LRRTM3: variants seen among roughly 807,000 people sequenced by gnomAD.
The protein encoded by LRRTM3 is leucine-rich repeat transmembrane neuronal protein 3.
In LRRTM3, 24 loss-of-function variants were observed where a neutral mutation model predicts 44.7. That is an observed-to-expected ratio of 0.54 (90% confidence interval 0.39 to 0.76). The LOEUF is 0.76. LRRTM3 is among the 30% of genes least tolerant of loss of function. The pLI is 0.00. For missense variants in LRRTM3, 587 were observed against 702.2 expected (o/e 0.84, Z 1.85); for synonymous variants, 277 against 278.7 (o/e 0.99, Z 0.06).
chr10:66,981,917 G>T (rs1194973673), intron 2 of LRRTM3, among the ~76,000 whole-genome samples: 1 of 152,152 alleles, frequency 6.6e-6, no homozygotes, highest in African/African-American at 2.4e-5. Context: ...AAGAGAAAAT[G>T]AAATCCACAG....
In LRRTM3 at chr10:66,926,433, C is replaced by A; in HGVS notation, c.-151C>A. On this transcript the variant is annotated 5_prime_UTR_variant, in exon 1 of 3. Coordinates refer to ENST00000361320, the MANE Select transcript of LRRTM3 (RefSeq NM_178011.5). ...GCGTGGCTGGCAAAGAATAATGTTC[C>A]AAAATCGGTCCATCTCCCAAGGGGT... The A allele has an allele frequency of 1.3e-6, 1 of 767,136 alleles. No homozygotes were observed. The highest frequency in any genetic ancestry group is 2.3e-6 in the Non-Finnish European group (1 of 444,018). The allele number at this position is 767,136 out of a possible 1,614,324, so 47.5% of individuals were successfully genotyped here.
chr10:67,061,923 A>G (rs909093711), intron 2 of LRRTM3, among the ~76,000 whole-genome samples: 2 of 148,350 alleles, frequency 1.3e-5, no homozygotes, highest in Non-Finnish European at 3.0e-5. Flanking sequence ...AAAGTATTAG[A>G]AAATTTATAA....
At chr10:66,989,984 A>C (rs1172857584) in intron 2 of LRRTM3, among the ~76,000 whole-genome samples, 1 of 152,180 alleles carries the variant, frequency 6.6e-6, no homozygotes, top group Non-Finnish European at 1.5e-5. Flanking sequence ...TAGTTTATAC[A>C]CACATTTTCA....
At chr10:66,968,809 G>A (rs1227859569) in intron 2 of LRRTM3, among the ~76,000 whole-genome samples, 1 of 152,068 alleles carries the variant, frequency 6.6e-6, no homozygotes, top group Non-Finnish European at 1.5e-5. Flanking sequence ...TTGAGGTCAG[G>A]AGTTTAAGAC....
At chr10:67,036,153 TTTATTTTATC>T (rs1217204415) in intron 2 of LRRTM3, among the ~76,000 whole-genome samples, 2 of 152,104 alleles carry the variant, frequency 1.3e-5, no homozygotes, top group African/African-American at 4.8e-5. Context: ...TTTATTTTAT[TTTATTTTATC>T]TTATTTTGAG....
intron 2 of LRRTM3, among the ~76,000 whole-genome samples, chr10:67,076,519 CTTATAAAGTAAGTCAGA>C (rs1856760807): frequency 6.6e-6 from 1 of 152,176 alleles, no homozygotes. Flanking sequence ...AGCCCTTCTT[CTTATAAAGTAAGTCAGA>C]TTCATTTGAG....
intron 2 of LRRTM3, among the ~76,000 whole-genome samples, chr10:66,996,670 A>AAAAAAAAAAAAAAAAC (rs1217903200): frequency 6.6e-6 from 1 of 150,594 alleles, no homozygotes; most frequent in East Asian, 2.0e-4. Context: ...AAAAAAAAAA[A>AAAAAAAAAAAAAAAAC]AGCATGTTTG....
intron 2 of LRRTM3, among the ~76,000 whole-genome samples, chr10:66,994,357 T>C (rs767460281): frequency 6.6e-6 from 1 of 152,216 alleles, no homozygotes; most frequent in Non-Finnish European, 1.5e-5. Context: ...GAAATTTGCT[T>C]CTACATTAGG....
At position 66,927,483 on chromosome 10, in the gene LRRTM3, A is replaced by G; in HGVS notation, c.567A>G (p.Gly189=). 2 of 1,614,078 alleles carry G rather than the reference A, an allele frequency of 1.2e-6. No homozygotes were observed. Among genetic ancestry groups the G allele is most frequent in the Non-Finnish European group, 1.7e-6 (2 of 1,180,010 alleles). The stretch of plus-strand genomic sequence containing the variant: ...GCAACCTGGAACTTTTGGACCTGGG[A>G]TATAACCGGATCCGAAGTTTAGCCA... ...DCRNLELLDL[G]YNRIRSLARN... Residue 189 remains glycine (G), a synonymous_variant, in exon 2 of 3, where the codon GGA becomes GGG. Coordinates refer to ENST00000361320, the MANE Select transcript of LRRTM3 (RefSeq NM_178011.5). This position sits in a 1 kb window ranked among gnomAD's most constrained non-coding sequence, Gnocchi z 4.7.
chr10:67,002,825 T>A (rs529496598), intron 2 of LRRTM3, among the ~76,000 whole-genome samples: 1 of 152,324 alleles, frequency 6.6e-6, no homozygotes, highest in African/African-American at 2.4e-5. Flanking sequence ...TGTATTTGAT[T>A]ATGAATGTCT....
At chr10:66,983,516 T>C (rs1272245608) in intron 2 of LRRTM3, among the ~76,000 whole-genome samples, 1 of 152,112 alleles carries the variant, frequency 6.6e-6, no homozygotes, top group Non-Finnish European at 1.5e-5. Flanking sequence ...TGGTTCTTAA[T>C]AGGTAGCCAC....
Position 67,101,401 on chromosome 10 carries a change from C to G in LRRTM3, c.*3605C>G, listed in dbSNP as rs2131944979. Among the ~76,000 whole-genome samples the G allele has an allele frequency of 6.6e-6, 1 of 151,564 alleles. No individual in the cohort carries two copies. Among genetic ancestry groups the G allele is most frequent in the East Asian group, 1.9e-4 (1 of 5,168 alleles). On this transcript the variant is annotated 3_prime_UTR_variant, in exon 3 of 3. Transcript: ENST00000361320. ...TTTTTTTCTTTTGGCAAGATTTCTTCTTAAACCATGAAATTTTTTTTACTT... is the reference window on the plus strand; with the variant it reads ...TTTTTTTCTTTTGGCAAGATTTCTTGTTAAACCATGAAATTTTTTTTACTT...
Position 66,927,385 on chromosome 10 carries a change from C to A in LRRTM3, c.469C>A (p.Arg157=), listed in dbSNP as rs1397779714. ...GGGATCTGAACAGTTTCGGGGCTTG[C>A]GGAAGCTGCTGAGTTTACATTTACG... is the stretch of plus-strand genomic sequence containing the variant. ...SLGSEQFRGL[R]KLLSLHLRSN... Residue 157 remains arginine, a synonymous_variant, in exon 2 of 3, where the codon CGG becomes AGG. Transcript: ENST00000361320. This position sits in a 1 kb window ranked among gnomAD's most constrained non-coding sequence, Gnocchi z 4.7. The A allele has an allele frequency of 1.9e-6, 3 of 1,614,114 alleles. No homozygotes were observed. Among genetic ancestry groups the A allele is most frequent in the Non-Finnish European group, 1.7e-6 (2 of 1,180,020 alleles).
rs201650754 is a variant in LRRTM3 at position 67,097,797 on chromosome 10, C to A, written c.*1C>A. On this transcript the variant is annotated 3_prime_UTR_variant, in exon 3 of 3. Coordinates refer to ENST00000361320, the MANE Select transcript of LRRTM3 (RefSeq NM_178011.5). Reference sequence around the variant, plus strand: ...TGACCATAAACAGCAGCTAGCTTAACTGAGATCATTGGTAGCCAGGGGTTG... The same window carrying A: ...TGACCATAAACAGCAGCTAGCTTAAATGAGATCATTGGTAGCCAGGGGTTG... The A allele has an allele frequency of 5.9e-4, 944 of 1,611,986 alleles. 10 individuals carry two copies. The highest frequency in any genetic ancestry group is 5.0e-3 in the South Asian group (454 of 91,048).
chr10:67,080,983 A>T (rs1016559109), intron 2 of LRRTM3, among the ~76,000 whole-genome samples: 1 of 152,084 alleles, frequency 6.6e-6, no homozygotes, highest in African/African-American at 2.4e-5. Context: ...CCTAAAGCTA[A>T]ACAATAAATC....
chr10:67,052,371 G>A (rs1855163203), intron 2 of LRRTM3, among the ~76,000 whole-genome samples: 2 of 145,906 alleles, frequency 1.4e-5, no homozygotes, highest in South Asian at 2.2e-4. Flanking sequence ...AGCACTAAGC[G>A]GCCAATGCCT....
intron 2 of LRRTM3, among the ~76,000 whole-genome samples, chr10:67,072,852 T>C (rs900955982): frequency 1.3e-5 from 2 of 152,240 alleles, no homozygotes; most frequent in African/African-American, 4.8e-5. Context: ...TGTTTGTTTA[T>C]TTCCTACTAA....
intron 2 of LRRTM3, among the ~76,000 whole-genome samples, chr10:67,038,763 TG>T (rs1854218124): frequency 6.6e-6 from 1 of 152,114 alleles, no homozygotes; most frequent in African/African-American, 2.4e-5. Context: ...GAGTTCAATA[TG>T]AGATATTTTT....
rs1003772294 is a variant in LRRTM3 at position 67,101,314 on chromosome 10, T to C, written c.*3518T>C. Among the ~76,000 whole-genome samples the C allele has an allele frequency of 9.2e-5, 14 of 151,772 alleles. No homozygotes were observed. Among genetic ancestry groups the C allele is most frequent in the African/African-American group, 3.1e-4 (13 of 41,394 alleles). The stretch of plus-strand genomic sequence containing the variant: ...AGGGTTGAACACATGTTCAACACTT[T>C]GTCAACTGAACACATGTTCAATTCG... On this transcript the variant is annotated 3_prime_UTR_variant, in exon 3 of 3. Coordinates refer to ENST00000361320, the MANE Select transcript of LRRTM3 (RefSeq NM_178011.5).
Sources: gnomAD v4.1 joint callset for allele counts (sites outside exome capture counted in the v4.1 genomes callset) on GRCh38, gnomAD v4.1.1 for gene constraint, Gnocchi (gnomAD v3.1) non-coding constraint, MANE v1.5 for transcripts, NCBI Gene and HGNC (gene_info 2026-07-23, HGNC 2026-07-21) for gene names.